The following MIB1 variants were observed in gnomAD, a reference collection of about 807,000 sequenced individuals.
The protein encoded by MIB1 is MIB E3 ubiquitin protein ligase 1.
A neutral mutation model predicts 124.5 loss-of-function variants in MIB1; 278 were observed. The ratio of observed to expected loss-of-function variants is 2.23; its 90% CI spans 2.02 to 2.47. The LOEUF is 2.47. Ranked by LOEUF, MIB1 falls within the 30% of genes most tolerant of loss-of-function variation. The pLI, the probability that MIB1 is intolerant of heterozygous loss-of-function variation, is 0.00. For missense variants in MIB1, 957 were observed against 1,254.4 expected (o/e 0.76, Z 3.58); for synonymous variants, 446 against 429.4 (o/e 1.04, Z -0.48).
At chr18:21,765,706 C>T in intron 1 of MIB1, 66 bp from the exon 2 acceptor site, 7 of 1,471,398 alleles carry the variant, frequency 4.8e-6, no homozygotes, top group Middle Eastern at 1.8e-4. Flanking sequence ...TTTTTTTCCC[C>T]CAAGGAATAA....
intron 7 of MIB1, among the ~76,000 whole-genome samples, chr18:21,795,035 G>T (rs1227148049): frequency 6.6e-6 from 1 of 151,658 alleles, no homozygotes; most frequent in East Asian, 1.9e-4. Context: ...AATGAATGTT[G>T]TAAAGGAAAG....
At position 21,731,105 on chromosome 18, in the gene MIB1, T is replaced by G. The variant is rs140369869; in HGVS notation, n.167+25982T>G. 6.0e-3 allele frequency among the ~76,000 whole-genome samples: 910 copies of G among 152,304 alleles called. 17 individuals are homozygous for G. The highest frequency in any genetic ancestry group is 0.021 in the African/African-American group (876 of 41,560). Reference sequence around the variant, plus strand: ...TTTGATCCATTAAAATGGACTTAGGTGACGCTCTCTGGGTTTATTCCCATC... The same window carrying G: ...TTTGATCCATTAAAATGGACTTAGGGGACGCTCTCTGGGTTTATTCCCATC... On this transcript the variant is annotated intron_variant and non_coding_transcript_variant, in intron 1 of 20. Coordinates refer to the MIB1 transcript ENST00000578646.
At chr18:21,840,659 ATATATATTT>A (rs2042078933) in intron 13 of MIB1, among the ~76,000 whole-genome samples, 3 of 1,670 alleles carry the variant, frequency 1.8e-3, no homozygotes, top group African/African-American at 3.4e-3. Context: ...ATATATATAT[ATATATATTT>A]TTTTTTTTTT....
chr18:21,822,967 C>A (rs1185344281), intron 12 of MIB1, among the ~76,000 whole-genome samples: 1 of 151,954 alleles, frequency 6.6e-6, no homozygotes, highest in African/African-American at 2.4e-5. Context: ...GGCGTGGTGG[C>A]TCATGCCTAT....
intron 1 of MIB1, among the ~76,000 whole-genome samples, chr18:21,718,127 G>A (rs1030606501): frequency 1.2e-4 from 18 of 152,190 alleles, no homozygotes; most frequent in African/African-American, 4.3e-4. Context: ...TCTAAGTGAA[G>A]TAACTCAGGA....
intron 12 of MIB1, among the ~76,000 whole-genome samples, chr18:21,833,316 A>G (rs1014861105): frequency 6.6e-6 from 1 of 152,208 alleles, no homozygotes; most frequent in African/African-American, 2.4e-5. Flanking sequence ...TCTTCCATTC[A>G]ACAAAACTTT....
intron 10 of MIB1, among the ~76,000 whole-genome samples, chr18:21,814,891 A>C (rs961996913): frequency 6.7e-6 from 1 of 149,498 alleles, no homozygotes; most frequent in Non-Finnish European, 1.5e-5. Context: ...CTGATTCTTT[A>C]AAAACAACAA....
intron 1 of MIB1, among the ~76,000 whole-genome samples, chr18:21,757,918 A>T (rs551714928): frequency 3.9e-5 from 6 of 152,238 alleles, no homozygotes; most frequent in Admixed American, 3.3e-4. Flanking sequence ...TCTTTAAATA[A>T]GATCCATGCT....
At chr18:21,746,835 C>A (rs928145399) in intron 1 of MIB1, among the ~76,000 whole-genome samples, 1 of 152,106 alleles carries the variant, frequency 6.6e-6, no homozygotes, top group African/African-American at 2.4e-5. Flanking sequence ...TCTTTGACCG[C>A]TAGCAAAGAA....
chr18:21,815,054 T>TATATATAA (rs2041816615), intron 10 of MIB1, among the ~76,000 whole-genome samples: 2 of 112,616 alleles, frequency 1.8e-5, no homozygotes, highest in African/African-American at 6.5e-5. Flanking sequence ...TATATATATA[T>TATATATAA]ATAAAATTAT....
intron 18 of MIB1, among the ~76,000 whole-genome samples, chr18:21,856,572 CA>C (rs1318899896): frequency 6.6e-6 from 1 of 151,908 alleles, no homozygotes; most frequent in African/African-American, 2.4e-5. Flanking sequence ...GGGTGTTGGG[CA>C]GGGGGAGAGA....
intron 17 of MIB1, among the ~76,000 whole-genome samples, chr18:21,850,532 C>G (rs1411650223): frequency 6.6e-6 from 1 of 152,222 alleles, no homozygotes; most frequent in African/African-American, 2.4e-5. Context: ...CCTTCTAAGC[C>G]TGGATGGTTT....
intron 1 of MIB1, among the ~76,000 whole-genome samples, chr18:21,713,437 C>A (rs894669254): frequency 6.6e-6 from 1 of 151,702 alleles, no homozygotes; most frequent in Non-Finnish European, 1.5e-5. Flanking sequence ...TGCCAAAACC[C>A]CGTCTCTACT....
intron 18 of MIB1, chr18:21,854,993 G>A (rs1369206448): frequency 1.3e-5 from 2 of 153,926 alleles, no homozygotes; most frequent in African/African-American, 4.8e-5. Flanking sequence ...ATCATGCTGA[G>A]TGCCTCTAGA....
chr18:21,760,416 G>T (rs989029205), intron 1 of MIB1, among the ~76,000 whole-genome samples: 1 of 152,108 alleles, frequency 6.6e-6, no homozygotes, highest in Admixed American at 6.6e-5. Flanking sequence ...AAATTCTGTA[G>T]TGCTCATTTT....
chr18:21,723,147 T>C (rs1188680221), intron 1 of MIB1, among the ~76,000 whole-genome samples: 1 of 152,228 alleles, frequency 6.6e-6, no homozygotes, highest in Non-Finnish European at 1.5e-5. Flanking sequence ...TGGATCATAA[T>C]CCAAAACTAT....
At chr18:21,754,516 G>A (rs922398735) in intron 1 of MIB1, among the ~76,000 whole-genome samples, 7 of 152,118 alleles carry the variant, frequency 4.6e-5, no homozygotes, top group Non-Finnish European at 1.0e-4. Context: ...TGTGGGGCTC[G>A]TGTTCACATA....
At chr18:21,800,560 T>C (rs931847292) in intron 9 of MIB1, among the ~76,000 whole-genome samples, 1 of 152,138 alleles carries the variant, frequency 6.6e-6, no homozygotes, top group African/African-American at 2.4e-5. Flanking sequence ...CTAGTCATTG[T>C]GCTTTGGCTT....
rs1237121909 is a variant in MIB1, at chr18:21,868,623, G to GAAA, written c.*3957_*3958insAAA. ...GGAAGTGTCAACTGTCTTTATGTCT[G>GAAA]CTTGTAAAAGTTTCAAAATATGTTT... On this transcript the variant is annotated 3_prime_UTR_variant, in exon 21 of 21. Transcript: ENST00000261537. 1 of 152,358 alleles carries GAAA rather than the reference G, an allele frequency of 6.6e-6. No individual in the cohort carries two copies. Among genetic ancestry groups the GAAA allele is most frequent in the African/African-American group, 2.4e-5 (1 of 41,402 alleles). The allele number at this position is 152,358 out of a possible 1,614,324, so 9.4% of individuals were successfully genotyped here.
Sources: allele counts gnomAD v4.1 joint callset (sites outside exome capture counted in the v4.1 genomes callset), GRCh38; gene constraint gnomAD v4.1.1; transcripts MANE v1.5; gene names NCBI Gene and HGNC (gene_info 2026-07-23, HGNC 2026-07-21).